The following FMN2 variants were observed in gnomAD, a reference collection of about 807,000 sequenced individuals.
The protein encoded by FMN2 is formin 2.
FMN2 carries 51 observed loss-of-function variants against 142.3 expected under a neutral mutation model. The observed-to-expected ratio is 0.36, with a 90% CI of 0.29 to 0.45. The LOEUF is 0.45. FMN2 is among the 20% of genes least tolerant of loss of function. The pLI, the probability that FMN2 is intolerant of heterozygous loss-of-function variation, is 1.00. For synonymous variants in FMN2, 882 were observed against 869.8 expected (o/e 1.01, Z -0.25); for missense variants, 1,936 against 2,122.8 (o/e 0.91, Z 1.73).
At chr1:240,322,052 C>T (rs978993642) in intron 8 of FMN2, among the ~76,000 whole-genome samples, 2 of 152,096 alleles carry the variant, frequency 1.3e-5, no homozygotes, top group Non-Finnish European at 2.9e-5. Context: ...TCACAGCTTT[C>T]CCTAGCCACC....
chr1:240,320,398 A>G (rs1471917324), intron 8 of FMN2, among the ~76,000 whole-genome samples: 2 of 152,224 alleles, frequency 1.3e-5, no homozygotes, highest in South Asian at 2.1e-4. Context: ...TGTTTCAACA[A>G]TGGCTCGTGT....
chr1:240,411,183 T>C (rs979170745), intron 15 of FMN2, among the ~76,000 whole-genome samples: 1 of 152,222 alleles, frequency 6.6e-6, no homozygotes, highest in East Asian at 1.9e-4. Context: ...TGATAGTTTG[T>C]CTAGACATAG....
intron 15 of FMN2, chr1:240,400,523 T>C (rs1231074953): frequency 6.6e-6 from 1 of 152,278 alleles, no homozygotes; most frequent in Non-Finnish European, 1.5e-5. Context: ...GAAACATTTC[T>C]GCCTGGTGTA....
chr1:240,409,553 G>A (rs1674328169), intron 15 of FMN2, among the ~76,000 whole-genome samples: 1 of 152,196 alleles, frequency 6.6e-6, no homozygotes, highest in Non-Finnish European at 1.5e-5. Flanking sequence ...TGTAGAAAAT[G>A]TGAAATTATT....
At chr1:240,350,718 G>T (rs181761103) in intron 13 of FMN2, among the ~76,000 whole-genome samples, 1 of 152,146 alleles carries the variant, frequency 6.6e-6, no homozygotes, top group Non-Finnish European at 1.5e-5. Flanking sequence ...TATATCATTT[G>T]TACGTGTTCT....
chr1:240,348,342 C>T lies in FMN2; in HGVS notation c.4766-7474C>T, dbSNP rs536881865. On this transcript the variant is annotated intron_variant, in intron 13 of 17. Transcript: ENST00000319653. Reference sequence around the variant, plus strand: ...GTTCAAGTGATTCTCGTGACTCAGCCTCTCAAATAGCTGGGATTACAGGCA... The same window carrying T: ...GTTCAAGTGATTCTCGTGACTCAGCTTCTCAAATAGCTGGGATTACAGGCA... Among the ~76,000 whole-genome samples, 4 of 151,858 alleles carry T rather than the reference C, an allele frequency of 2.6e-5. No individual in the cohort carries two copies. The East Asian group carries it at 7.7e-4, about 29-fold the overall frequency.
At chr1:240,285,098 T>G (rs1669539261) in intron 7 of FMN2, 1 of 365,218 alleles carries the variant, frequency 2.7e-6, no homozygotes, top group Non-Finnish European at 5.7e-6. Flanking sequence ...GTTACCCTGT[T>G]TTTTGTTTGA....
chr1:240,144,080 A>G (rs76903763), intron 2 of FMN2: 228,116 of 1,084,106 alleles, frequency 0.21, 25,486 homozygotes, highest in Middle Eastern at 0.29. Context: ...AAAGGAGTAC[A>G]GGTTACTTCT....
chr1:240,324,500 A>G lies in FMN2; in HGVS notation c.4216-4576A>G, dbSNP rs75071320. 5.4e-3 allele frequency among the ~76,000 whole-genome samples: 828 copies of G among 152,214 alleles called. 9 individuals carry two copies. Among genetic ancestry groups the G allele is most frequent in the African/African-American group, 0.019 (777 of 41,544 alleles). ...AAGCCCTGTCTCTACTAAAACTACAAAAATTACCTGGGCATGCATGGTGGC... is the reference window on the plus strand; with the variant it reads ...AAGCCCTGTCTCTACTAAAACTACAGAAATTACCTGGGCATGCATGGTGGC... On this transcript the variant is annotated intron_variant, in intron 8 of 17. Coordinates refer to ENST00000319653, the MANE Select transcript of FMN2 (RefSeq NM_020066.5).
At chr1:240,365,849 T>G (rs550909390) in intron 14 of FMN2, among the ~76,000 whole-genome samples, 17 of 152,280 alleles carry the variant, frequency 1.1e-4, no homozygotes, top group Non-Finnish European at 2.4e-4. Flanking sequence ...GAACTTTACT[T>G]AACACATGTA....
intron 8 of FMN2, among the ~76,000 whole-genome samples, chr1:240,318,067 C>T (rs1446822570): frequency 6.6e-6 from 1 of 152,184 alleles, no homozygotes; most frequent in Non-Finnish European, 1.5e-5. Flanking sequence ...ATGTCTTTTT[C>T]CCGCTTTCTA....
At chr1:240,452,268 T>A (rs1676085851) in intron 16 of FMN2, among the ~76,000 whole-genome samples, 1 of 152,196 alleles carries the variant, frequency 6.6e-6, no homozygotes, top group African/African-American at 2.4e-5. Context: ...TATTCATGAC[T>A]TAGGCATTCA....
At chr1:240,391,345 T>A (rs1030825132) in intron 14 of FMN2, among the ~76,000 whole-genome samples, 1 of 152,156 alleles carries the variant, frequency 6.6e-6, no homozygotes, top group Admixed American at 6.6e-5. Context: ...AAACATGAAC[T>A]AGCCTAAGCC....
At chr1:240,461,672 T>C (rs1676456218) in intron 16 of FMN2, among the ~76,000 whole-genome samples, 1 of 152,220 alleles carries the variant, frequency 6.6e-6, no homozygotes, top group Admixed American at 6.5e-5. Flanking sequence ...CCCTTTTTAG[T>C]GCTATTGTGA....
intron 1 of FMN2, among the ~76,000 whole-genome samples, chr1:240,117,189 T>C (rs1416995419): frequency 6.6e-6 from 1 of 152,188 alleles, no homozygotes; most frequent in Non-Finnish European, 1.5e-5. Flanking sequence ...TTTTTGCATA[T>C]TTGGAATTTG....
rs145406084 is a variant in FMN2 at position 240,271,942 on chromosome 1, A to G, written c.4153+13910A>G. 8.1e-3 allele frequency among the ~76,000 whole-genome samples: 1,241 copies of G among 152,290 alleles called. 19 individuals are homozygous for G. The highest frequency in any genetic ancestry group is 0.028 in the African/African-American group (1,158 of 41,552). On this transcript the variant is annotated intron_variant, in intron 7 of 17. Coordinates refer to ENST00000319653, the MANE Select transcript of FMN2 (RefSeq NM_020066.5). The stretch of plus-strand genomic sequence containing the variant: ...TGGGTTGAGCTTAGATTATATTTTT[A>G]ATGACATTGTTCCATAGTTGGACTT...
intron 14 of FMN2, among the ~76,000 whole-genome samples, chr1:240,388,307 A>C (rs1411771350): frequency 6.6e-6 from 1 of 151,638 alleles, no homozygotes. Context: ...AATGATGAAT[A>C]AAAGTTATTA....
intron 3 of FMN2, among the ~76,000 whole-genome samples, chr1:240,180,632 T>C (rs984736539): frequency 1.4e-5 from 2 of 145,390 alleles, no homozygotes; most frequent in African/African-American, 2.5e-5. Context: ...AATGGCGCCA[T>C]CTCGGCTCAC....
In FMN2 at chr1:240,206,522, C is replaced by G. The variant is rs1027147661; in HGVS notation, c.1987-277C>G. Among the ~76,000 whole-genome samples the G allele has an allele frequency of 2.0e-5, 3 of 151,992 alleles. No homozygotes were observed. The East Asian group carries it at 5.8e-4, about 29-fold the overall frequency. ...AAATAAACTGGTTTATCACTCAGAG[C>G]TTTCTTCCCTGTTCTCAGTGGTCTA... On this transcript the variant is annotated intron_variant, in intron 4 of 17. Transcript: ENST00000319653.
Sources: allele counts gnomAD v4.1 joint callset (sites outside exome capture counted in the v4.1 genomes callset), GRCh38; gene constraint gnomAD v4.1.1; transcripts MANE v1.5; gene names NCBI Gene and HGNC (gene_info 2026-07-23, HGNC 2026-07-21).